The following TENM4 variants were observed in gnomAD, a reference collection of about 807,000 sequenced individuals.
TENM4 encodes teneurin transmembrane protein 4.
A neutral mutation model predicts 243.3 loss-of-function variants in TENM4; 82 were observed. The observed-to-expected ratio is 0.34, with a 90% CI of 0.28 to 0.40. The LOEUF (loss-of-function observed/expected upper bound fraction) is 0.40, where lower values mean the gene tolerates loss of function less well. TENM4 is among the 10% of genes least tolerant of loss of function. TENM4 has a pLI of 1.00. For synonymous variants in TENM4, 1,412 were observed against 1,456.3 expected (o/e 0.97, Z 0.69); for missense variants, 3,138 against 3,673.3 (o/e 0.85, Z 3.77).
At chr11:78,837,843 T>A (rs1489096419) in intron 12 of TENM4, among the ~76,000 whole-genome samples, 3 of 152,222 alleles carry the variant, frequency 2.0e-5, no homozygotes. Flanking sequence ...TATATTTTAT[T>A]ATATGCTTTC....
intron 6 of TENM4, among the ~76,000 whole-genome samples, chr11:79,023,206 A>G (rs1241537835): frequency 6.6e-6 from 1 of 152,166 alleles, no homozygotes; most frequent in Non-Finnish European, 1.5e-5. Context: ...CCATTTGTCA[A>G]GAAAATGCCA....
At chr11:79,079,687 G>A (rs993603076) in intron 4 of TENM4, among the ~76,000 whole-genome samples, 1 of 151,972 alleles carries the variant, frequency 6.6e-6, no homozygotes, top group African/African-American at 2.4e-5. Flanking sequence ...GAATTAGCTG[G>A]GTGTGGTGGT....
rs1303951955 is a variant in TENM4 at position 78,669,584 on chromosome 11, T to G, written c.6761A>C (p.Lys2254Thr). 1 of 1,614,000 alleles carries G rather than the reference T, an allele frequency of 6.2e-7. No individual in the cohort carries two copies. The highest frequency in any genetic ancestry group is 1.1e-5 in the South Asian group (1 of 91,080). The change falls in exon 32 of 34, where the codon AAG (lysine) becomes ACG (threonine). Residue 2254 changes from lysine (K) to threonine (T), a missense_variant. This residue lies in a region of TENM4 where 2,467 missense variants were observed against 3,059.1 expected (regional missense o/e 0.81). Transcript: ENST00000278550. The surrounding 1 kb of genome is among the most constrained non-coding windows in gnomAD (Gnocchi z 6.4). ...RITRLGDVQY[K>T]MDEDGFLRQR... is the part of the protein sequence containing the mutation. ...CCTCAGGAAGCCATCCTCATCCATC[T>G]TGTATTGCACGTCACCCAGCCGAGT... is the stretch of plus-strand genomic sequence containing the variant.
At chr11:79,007,391 G>C (rs1355798111) in intron 6 of TENM4, among the ~76,000 whole-genome samples, 4 of 152,188 alleles carry the variant, frequency 2.6e-5, no homozygotes, top group African/African-American at 9.7e-5. Context: ...GACTATGTGA[G>C]TGATTTCCCT....
chr11:79,253,855 A>C (rs1471915299), intron 2 of TENM4, among the ~76,000 whole-genome samples: 1 of 152,194 alleles, frequency 6.6e-6, no homozygotes, highest in African/African-American at 2.4e-5. Context: ...AATCCAGTAG[A>C]AAAAAATAGA....
chr11:78,818,961 T>C (rs1489400229), intron 12 of TENM4, among the ~76,000 whole-genome samples: 1 of 143,776 alleles, frequency 7.0e-6, no homozygotes, highest in Non-Finnish European at 1.5e-5. Context: ...TGGGTCCTGG[T>C]AAAAAAAAAA....
In TENM4 at chr11:79,036,454, T is replaced by C. The variant is rs183391370; in HGVS notation, c.493+28284A>G. Among the ~76,000 whole-genome samples, 8 of 152,268 alleles carry C rather than the reference T, an allele frequency of 5.3e-5. No individual in the cohort carries two copies. The East Asian group carries it at 1.5e-3, about 29-fold the overall frequency. On this transcript the variant is annotated intron_variant, in intron 6 of 33. Transcript: ENST00000278550. ...TAAAAGGGAACTCGGTGTTCAGGCA[T>C]CTTCTGCATGGGGCAAACATCCAGA... is the stretch of plus-strand genomic sequence containing the variant.
At chr11:79,149,844 C>G (rs780600173) in intron 3 of TENM4, among the ~76,000 whole-genome samples, 1 of 152,164 alleles carries the variant, frequency 6.6e-6, no homozygotes, top group Non-Finnish European at 1.5e-5. Context: ...TAAAATTATA[C>G]TCACTGACAA....
chr11:79,375,070 T>C (rs1036908525), intron 1 of TENM4, among the ~76,000 whole-genome samples: 1 of 152,216 alleles, frequency 6.6e-6, no homozygotes, highest in Non-Finnish European at 1.5e-5. Context: ...CAGCCCATAA[T>C]AAGGATTATT....
intron 3 of TENM4, among the ~76,000 whole-genome samples, chr11:79,183,342 G>C (rs1335964754): frequency 6.6e-6 from 1 of 152,176 alleles, no homozygotes; most frequent in African/African-American, 2.4e-5. Flanking sequence ...TGACATTCTG[G>C]AAAAAGCAAG....
chr11:79,301,980 T>A (rs1250213705), intron 1 of TENM4, among the ~76,000 whole-genome samples: 2 of 152,188 alleles, frequency 1.3e-5, no homozygotes, highest in African/African-American at 2.4e-5. Context: ...GTCTCAGGTA[T>A]TTCTTTGTAG....
chr11:79,281,736 T>C (rs922601702), intron 2 of TENM4, among the ~76,000 whole-genome samples: 1 of 152,210 alleles, frequency 6.6e-6, no homozygotes. Flanking sequence ...TGTCACCAAA[T>C]CTCATATCAA....
chr11:79,208,878 T>C (rs1414755883), intron 3 of TENM4, among the ~76,000 whole-genome samples: 3 of 152,162 alleles, frequency 2.0e-5, no homozygotes, highest in Non-Finnish European at 4.4e-5. Flanking sequence ...CCAGGGGAAT[T>C]TTCACAAAGG....
chr11:79,246,027 AAGAG>A (rs1403322417), intron 2 of TENM4, among the ~76,000 whole-genome samples: 33 of 151,394 alleles, frequency 2.2e-4, no homozygotes, highest in African/African-American at 8.0e-4. Context: ...GAGAGAGAAA[AAGAG>A]AGAGAGAAAG....
chr11:79,200,418 C>G (rs537486853), intron 3 of TENM4, among the ~76,000 whole-genome samples: 1 of 152,206 alleles, frequency 6.6e-6, no homozygotes, highest in Non-Finnish European at 1.5e-5. Flanking sequence ...TAGTGTCCCC[C>G]AGGACATGCC....
chr11:79,392,223 C>A (rs946691814), intron 1 of TENM4, among the ~76,000 whole-genome samples: 9 of 152,182 alleles, frequency 5.9e-5, no homozygotes, highest in Admixed American at 4.6e-4. Flanking sequence ...CCAAGATAAC[C>A]CTTTCCTTAT....
chr11:79,364,889 A>G (rs567181598), intron 1 of TENM4, among the ~76,000 whole-genome samples: 3 of 152,344 alleles, frequency 2.0e-5, no homozygotes, highest in Admixed American at 2.0e-4. Context: ...TTTGATAGGG[A>G]TAATCAAAAT....
At chr11:79,108,851 C>G (rs150915523) in intron 4 of TENM4, among the ~76,000 whole-genome samples, 1 of 152,154 alleles carries the variant, frequency 6.6e-6, no homozygotes, top group African/African-American at 2.4e-5. Context: ...ATCTCCTGGG[C>G]TCCTGCCCAG....
At chr11:78,961,283 C>G (rs931365488) in intron 6 of TENM4, among the ~76,000 whole-genome samples, 2 of 151,988 alleles carry the variant, frequency 1.3e-5, no homozygotes, top group African/African-American at 4.8e-5. Context: ...TAAGGTGATC[C>G]TAGGTTACCT....
Sources: allele counts gnomAD v4.1 joint callset (sites outside exome capture counted in the v4.1 genomes callset), GRCh38; gene constraint gnomAD v4.1.1; regional missense constraint gnomAD v4.1.1; non-coding constraint Gnocchi (gnomAD v3.1); transcripts MANE v1.5; gene names NCBI Gene and HGNC (gene_info 2026-07-23, HGNC 2026-07-21).